NPAS3: variants seen among roughly 807,000 people sequenced by gnomAD.
NPAS3 encodes neuronal PAS domain protein 3.
A neutral mutation model predicts 73.1 loss-of-function variants in NPAS3; 14 were observed. The ratio of observed to expected loss-of-function variants is 0.19; its 90% confidence interval spans 0.13 to 0.30. The LOEUF (loss-of-function observed/expected upper bound fraction) is 0.30. Ranked by LOEUF, NPAS3 falls within the 10% of genes least tolerant of loss-of-function variation. The probability of loss-of-function intolerance (pLI) is 1.00; values close to 1 mark genes in which losing one functional copy is unlikely to be tolerated. For missense variants in NPAS3, 1,096 were observed against 1,250.0 expected (o/e 0.88, Z 1.86); for synonymous variants, 620 against 541.5 (o/e 1.14, Z -2.01).
chr14:33,406,484 A>G (rs1050889005), intron 4 of NPAS3, among the ~76,000 whole-genome samples: 2 of 152,092 alleles, frequency 1.3e-5, no homozygotes, highest in African/African-American at 4.8e-5. Context: ...AAGAGATGGC[A>G]TGTGTTTTAT....
chr14:33,246,839 CAAAAAAAAAAAAAAA>C (rs571439161), intron 3 of NPAS3, among the ~76,000 whole-genome samples: 1 of 61,954 alleles, frequency 1.6e-5, no homozygotes, highest in Non-Finnish European at 2.8e-5. Context: ...ATTAAAAATA[CAAAAAAAAAAAAAAA>C]AAAAAAAAAA....
chr14:33,590,191 T>C (rs570686680), intron 5 of NPAS3, among the ~76,000 whole-genome samples: 68 of 152,274 alleles, frequency 4.5e-4, no homozygotes, highest in Middle Eastern at 3.4e-3. Flanking sequence ...CAGAAAAAGA[T>C]GGTCACCAAA....
chr14:33,753,956 G>T (rs1462503137), intron 7 of NPAS3, among the ~76,000 whole-genome samples: 1 of 152,104 alleles, frequency 6.6e-6, no homozygotes, highest in African/African-American at 2.4e-5. Context: ...AGCTCCCAGG[G>T]GTTGAGATGT....
intron 2 of NPAS3, among the ~76,000 whole-genome samples, chr14:33,176,275 A>T (rs2045587118): frequency 6.6e-6 from 1 of 152,246 alleles, no homozygotes; most frequent in Admixed American, 6.5e-5. Flanking sequence ...AGTGGCAATA[A>T]CTACATTCAC....
chr14:33,454,421 C>T (rs2049935434), intron 4 of NPAS3, among the ~76,000 whole-genome samples: 1 of 152,180 alleles, frequency 6.6e-6, no homozygotes, highest in African/African-American at 2.4e-5. Context: ...GGATAATAAA[C>T]AGACTCCACC....
At chr14:33,725,592 GCCTA>G (rs918001940) in intron 6 of NPAS3, among the ~76,000 whole-genome samples, 23 of 151,646 alleles carry the variant, frequency 1.5e-4, no homozygotes, top group African/African-American at 5.4e-4. Flanking sequence ...AGCCCCTACT[GCCTA>G]CCTCTCTCAT....
chr14:33,367,509 G>A (rs1462694384), intron 4 of NPAS3, among the ~76,000 whole-genome samples: 1 of 152,072 alleles, frequency 6.6e-6, no homozygotes, highest in East Asian at 1.9e-4. Context: ...TAGATGAATT[G>A]CACTATTTAG....
chr14:33,516,293 C>T (rs1419357143), intron 4 of NPAS3, among the ~76,000 whole-genome samples: 1 of 152,116 alleles, frequency 6.6e-6, no homozygotes, highest in Non-Finnish European at 1.5e-5. Flanking sequence ...CAGGTAAATA[C>T]TTCCTCTTTC....
At chr14:32,943,826 C>T (rs145761568) in intron 1 of NPAS3, among the ~76,000 whole-genome samples, 1,963 of 151,826 alleles carry the variant, frequency 0.013, 32 homozygotes, top group African/African-American at 0.041. Context: ...ATAGCTGGGA[C>T]TACAGGCACA....
intron 4 of NPAS3, among the ~76,000 whole-genome samples, chr14:33,462,183 G>A (rs35471033): frequency 0.01 from 1,564 of 152,254 alleles, 18 homozygotes; most frequent in East Asian, 0.043. Context: ...CTCATTCCTC[G>A]CCTGTTTCCA....
At chr14:33,544,126 C>A (rs188465009) in intron 4 of NPAS3, among the ~76,000 whole-genome samples, 85 of 151,670 alleles carry the variant, frequency 5.6e-4, no homozygotes, top group African/African-American at 2.1e-3. Flanking sequence ...TTATTAAAAT[C>A]TTTTTATGAT....
intron 5 of NPAS3, among the ~76,000 whole-genome samples, chr14:33,661,089 A>G (rs993594473): frequency 6.1e-5 from 6 of 98,628 alleles, no homozygotes; most frequent in Admixed American, 4.9e-4. Flanking sequence ...CAGTATGATC[A>G]GTAAAAGGAA....
At chr14:32,937,246 G>C (rs1004873488), upstream of NPAS3, among the ~76,000 whole-genome samples, 1 of 152,006 alleles carries the variant, frequency 6.6e-6, no homozygotes, top group Non-Finnish European at 1.5e-5. Flanking sequence ...GTTTCCGCTT[G>C]GATTTGTTTC....
At chr14:33,383,540 AAC>A (rs1207690028) in intron 4 of NPAS3, among the ~76,000 whole-genome samples, 1 of 152,180 alleles carries the variant, frequency 6.6e-6, no homozygotes, top group African/African-American at 2.4e-5. Flanking sequence ...CATTAAAGAA[AAC>A]ACAGTCACAT....
At chr14:33,358,411 C>T (rs17100798) in intron 3 of NPAS3, among the ~76,000 whole-genome samples, 1,756 of 152,142 alleles carry the variant, frequency 0.012, 44 homozygotes, top group African/African-American at 0.039. Flanking sequence ...ATCGTTGTCG[C>T]GGGCAGGATG....
intron 5 of NPAS3, chr14:33,612,473 A>G (rs1464857705): frequency 2.2e-6 from 1 of 456,066 alleles, no homozygotes; most frequent in Admixed American, 2.3e-5. Flanking sequence ...CAAAGTTACA[A>G]AGCATTTATG....
chr14:33,000,980 C>T (rs1331514383), intron 1 of NPAS3, among the ~76,000 whole-genome samples: 2 of 152,192 alleles, frequency 1.3e-5, no homozygotes, highest in African/African-American at 2.4e-5. Flanking sequence ...ATTTTTAGGA[C>T]ATACGTTTCT....
At chr14:33,203,552 A>G (rs573113152) in intron 2 of NPAS3, among the ~76,000 whole-genome samples, 3 of 151,984 alleles carry the variant, frequency 2.0e-5, no homozygotes, top group Admixed American at 6.5e-5. Context: ...TTTCCCACCT[A>G]TGAGTGAGAA....
At chr14:33,733,051 G>C (rs8005402) in intron 6 of NPAS3, among the ~76,000 whole-genome samples, 1 of 152,106 alleles carries the variant, frequency 6.6e-6, no homozygotes, top group African/African-American at 2.4e-5. Context: ...GGACCCCAGC[G>C]CTAAAACAGG....
Sources: allele counts gnomAD v4.1 joint callset (sites outside exome capture counted in the v4.1 genomes callset), GRCh38; gene constraint gnomAD v4.1.1; transcripts MANE v1.5; gene names NCBI Gene and HGNC (gene_info 2026-07-23, HGNC 2026-07-21).